Variants in MAP4K4 observed in about 807,000 individuals in gnomAD.
MAP4K4 encodes HPK/GCK-like kinase HGK.
A neutral mutation model predicts 189.6 loss-of-function variants in MAP4K4; 38 were observed. The observed-to-expected ratio is 0.20, with a 90% CI of 0.15 to 0.26. The LOEUF is 0.26. Among genes scored for constraint, MAP4K4 ranks in the 10% least tolerant of loss-of-function variants. MAP4K4 has a pLI of 1.00. For synonymous variants in MAP4K4, 610 were observed against 624.3 expected (o/e 0.98, Z 0.34); for missense variants, 1,054 against 1,726.9 (o/e 0.61, Z 6.91).
intron 3 of MAP4K4, among the ~76,000 whole-genome samples, chr2:101,813,957 A>C (rs1399874510): frequency 6.6e-6 from 1 of 152,206 alleles, no homozygotes; most frequent in Non-Finnish European, 1.5e-5. Flanking sequence ...AGATGGTTTG[A>C]TATCTTTCTA....
intron 12 of MAP4K4, among the ~76,000 whole-genome samples, chr2:101,853,585 A>T (rs2097352129): frequency 1.3e-5 from 2 of 152,190 alleles, no homozygotes; most frequent in Admixed American, 1.3e-4. Flanking sequence ...TACAGAAAGA[A>T]CATACAGGAA....
intron 3 of MAP4K4, among the ~76,000 whole-genome samples, chr2:101,803,200 C>G (rs997419682): frequency 3.3e-5 from 5 of 151,402 alleles, no homozygotes; most frequent in Non-Finnish European, 2.9e-5. Context: ...GTAAAAAACC[C>G]AAAACTCAAG....
intron 7 of MAP4K4, among the ~76,000 whole-genome samples, chr2:101,832,577 A>C (rs779401929): frequency 1.3e-5 from 2 of 152,242 alleles, no homozygotes; most frequent in Non-Finnish European, 2.9e-5. Context: ...GAAGTATCTT[A>C]AAATAGATAA....
intron 3 of MAP4K4, among the ~76,000 whole-genome samples, chr2:101,795,463 G>T (rs2093590064): frequency 6.6e-6 from 1 of 152,148 alleles, no homozygotes; most frequent in African/African-American, 2.4e-5. Flanking sequence ...ACATAATCAA[G>T]TTGTACCATA....
chr2:101,774,633 C>T (rs528114689), intron 2 of MAP4K4, among the ~76,000 whole-genome samples: 2 of 152,304 alleles, frequency 1.3e-5, no homozygotes, highest in African/African-American at 4.8e-5. Context: ...AATTTTGAAT[C>T]ACTGCTGCCT....
exon 33 of MAP4K4, chr2:101,893,152 A>G (rs2150378435): frequency 2.2e-6 from 1 of 456,412 alleles, no homozygotes; most frequent in South Asian, 1.5e-5. Context: ...TCCTGGTTCC[A>G]TCTTTTTGAA....
At chr2:101,828,067 A>C (rs1295838567) in intron 5 of MAP4K4, among the ~76,000 whole-genome samples, 2 of 152,206 alleles carry the variant, frequency 1.3e-5, no homozygotes, top group African/African-American at 2.4e-5. Flanking sequence ...ATTGTTTCAG[A>C]GCTGCTAGAC....
intron 2 of MAP4K4, among the ~76,000 whole-genome samples, chr2:101,714,048 A>G (rs1211033967): frequency 1.4e-5 from 2 of 140,194 alleles, no homozygotes; most frequent in South Asian, 2.2e-4. Context: ...CACTCATACA[A>G]TAGAGACAAA....
At position 101,822,185 on chromosome 2, in the gene MAP4K4, TA is replaced by T. The variant is rs1391456179; in HGVS notation, c.181-1742del. ...AAGTATTGTAAACAAACCACTAACA[TA>T]GTCATTTATTATTATGTACTATACA... On this transcript the variant is annotated intron_variant, in intron 3 of 32. Transcript: ENST00000324219. 2.6e-5 allele frequency among the ~76,000 whole-genome samples: 4 copies of T among 152,356 alleles called. No homozygotes were observed. In the East Asian group the frequency reaches 5.8e-4, roughly 22 times the overall value.
chr2:101,718,019 G>A (rs1041204600), intron 2 of MAP4K4, among the ~76,000 whole-genome samples: 9 of 151,940 alleles, frequency 5.9e-5, no homozygotes, highest in African/African-American at 2.2e-4. Flanking sequence ...CACTTTGGGA[G>A]GCCAAGGTGG....
At chr2:101,725,876 C>T (rs1295983360) in intron 2 of MAP4K4, among the ~76,000 whole-genome samples, 1 of 152,168 alleles carries the variant, frequency 6.6e-6, no homozygotes, top group Non-Finnish European at 1.5e-5. Context: ...GTGGTGGGTT[C>T]CGTCTCTTCC....
intron 27 of MAP4K4, among the ~76,000 whole-genome samples, chr2:101,878,651 GA>G (rs1403529014): frequency 1.3e-5 from 2 of 152,154 alleles, no homozygotes; most frequent in Non-Finnish European, 2.9e-5. Context: ...ATGTTGCATA[GA>G]TCATAATTTC....
At chr2:101,704,168 G>C (rs2040640559) in intron 2 of MAP4K4, among the ~76,000 whole-genome samples, 1 of 152,102 alleles carries the variant, frequency 6.6e-6, no homozygotes, top group East Asian at 1.9e-4. Flanking sequence ...TGTAGAACCA[G>C]ATGTTTTCAT....
intron 2 of MAP4K4, 138 bp downstream of exon 2, chr2:101,698,676 G>C (rs972981041): frequency 1.3e-6 from 1 of 750,248 alleles, no homozygotes; most frequent in East Asian, 2.5e-5. Flanking sequence ...CTTTCGCCTT[G>C]CAGTCCCTCT....
At chr2:101,760,425 G>T (rs1376090127) in intron 2 of MAP4K4, among the ~76,000 whole-genome samples, 3 of 149,194 alleles carry the variant, frequency 2.0e-5, no homozygotes, top group Non-Finnish European at 3.0e-5. Flanking sequence ...GGAGGCAGAG[G>T]TTGTAGTGAG....
At chr2:101,869,196 G>A (rs6543101) in intron 21 of MAP4K4, among the ~76,000 whole-genome samples, 32,122 of 151,784 alleles carry the variant, frequency 0.21, 7,855 homozygotes, top group African/African-American at 0.6. Flanking sequence ...ATAAAAATGT[G>A]TCTCTCAAAA....
At chr2:101,792,353 T>C (rs1200570594) in intron 3 of MAP4K4, among the ~76,000 whole-genome samples, 2 of 152,176 alleles carry the variant, frequency 1.3e-5, no homozygotes, top group African/African-American at 4.8e-5. Flanking sequence ...TTCACTCTTG[T>C]AGTGTCATTC....
rs1038690500 is a variant in MAP4K4 at position 101,873,384 on chromosome 2, T to C, written c.2953-263T>C. Among the ~76,000 whole-genome samples, 5 of 152,286 alleles carry C rather than the reference T, an allele frequency of 3.3e-5. No individual in the cohort carries two copies. In the East Asian group the frequency reaches 5.8e-4, roughly 18 times the overall value. On this transcript the variant is annotated intron_variant, in intron 24 of 32. Transcript: ENST00000324219. The stretch of plus-strand genomic sequence containing the variant: ...CTAGGCACATGAAGTCTAGATTTCA[T>C]TGGTAGCTTGCAGCACTGCTTTGTA...
intron 2 of MAP4K4, among the ~76,000 whole-genome samples, chr2:101,725,746 C>T (rs2054953349): frequency 1.3e-5 from 2 of 152,292 alleles, no homozygotes; most frequent in South Asian, 2.1e-4. Flanking sequence ...TGAGGTGTGA[C>T]AGGAATGCTC....
Sources: gnomAD v4.1 joint callset for allele counts (sites outside exome capture counted in the v4.1 genomes callset) on GRCh38, gnomAD v4.1.1 for gene constraint, MANE v1.5 for transcripts, NCBI Gene and HGNC (gene_info 2026-07-23, HGNC 2026-07-21) for gene names.